The following OSM variants were observed in gnomAD, a reference collection of about 807,000 sequenced individuals.
OSM encodes oncostatin-M.
A neutral mutation model predicts 6.3 loss-of-function variants in OSM; 1 was observed. That is an observed-to-expected ratio of 0.16 (90% CI 0.06 to 0.76). The LOEUF is 0.76. Among genes scored for constraint, OSM ranks in the 30% least tolerant of loss-of-function variants. OSM has a pLI of 0.77. For synonymous variants in OSM, 135 were observed against 143.4 expected (o/e 0.94, Z 0.42); for missense variants, 324 against 336.9 (o/e 0.96, Z 0.30).
chr22:30,264,127 G>GC lies in OSM; in HGVS notation c.514dup (p.Ala172GlyfsTer122), dbSNP rs762184254. ...AGGGGTGGGGGTGGGCGGCTGAGAG[G>GC]CCCCCCGGCCAGCCTTCGTGGGCTC... On this transcript the variant is annotated frameshift_variant, in exon 3 of 3. Transcript: ENST00000215781. LOFTEE classifies it low-confidence loss of function (END_TRUNC). 1.9e-6 allele frequency: 3 copies of GC among 1,611,880 alleles called. No homozygotes were observed. Among genetic ancestry groups the GC allele is most frequent in the East Asian group, 2.2e-5 (1 of 44,828 alleles).
intron 1 of OSM, 93 bp from the exon 2 acceptor site, chr22:30,265,237 C>A: frequency 6.5e-7 from 1 of 1,531,940 alleles, no homozygotes; most frequent in Non-Finnish European, 8.8e-7. Flanking sequence ...TTGAAAGGTG[C>A]CTCCTTCATC....
rs1395064889 is a variant in OSM at position 30,263,042 on chromosome 22, G to T, written c.*841C>A. On this transcript the variant is annotated 3_prime_UTR_variant, in exon 3 of 3. Transcript: ENST00000215781. ...GAAAATTCCAGGATCCACCACCAGG[G>T]GGAGCAGCCAGCAGCGAGGACCCAA... 1 of 152,704 alleles carries T rather than the reference G, an allele frequency of 6.5e-6. No individual in the cohort carries two copies. The allele number at this position is 152,704 out of a possible 1,614,324, so 9.5% of individuals were successfully genotyped here. A position where few individuals can be genotyped will look rare whatever the true frequency, so the allele number is the denominator to read the frequency against.
At position 30,263,999 on chromosome 22, in the gene OSM, T is replaced by C. The variant is rs1275708654; in HGVS notation, c.643A>G (p.Ser215Gly). ...CTGTGTCTCCGGCTCCGGTTCGGGC[T>C]CTCCCCCCACTTGCTGAAGACCCGC... is the stretch of plus-strand genomic sequence containing the variant. ...VGRVFSKWGESPNRSRRHSPH... is the reference protein window; with the variant it reads ...VGRVFSKWGEGPNRSRRHSPH... Residue 215 changes from serine to glycine, a missense_variant, in exon 3 of 3, where the codon AGC becomes GGC. By Grantham distance (56) the Ser-to-Gly change is moderately conservative. Coordinates refer to ENST00000215781, the MANE Select transcript of OSM (RefSeq NM_020530.6). The C allele has an allele frequency of 6.4e-7, 1 of 1,555,166 alleles. No individual in the cohort carries two copies. Among genetic ancestry groups the C allele is most frequent in the South Asian group, 1.2e-5 (1 of 81,480 alleles).
Position 30,264,424 on chromosome 22 carries a change from T to C in OSM, c.218A>G (p.His73Arg). ...GAAGGCCCCGGGGCGCTCCCTGCAGTGCTCTCTCAGTTTAGGAACATCCAG... is the reference window on the plus strand; with the variant it reads ...GAAGGCCCCGGGGCGCTCCCTGCAGCGCTCTCTCAGTTTAGGAACATCCAG... ...QGLDVPKLRE[H>R]CRERPGAFPS... Residue 73 changes from histidine (H) to arginine (R), a missense_variant, in exon 3 of 3, where the codon CAC becomes CGC. Physicochemically the swap from His to Arg is conservative, Grantham distance 29 (BLOSUM62 0). Transcript: ENST00000215781. 1 of 1,612,240 alleles carries C rather than the reference T, an allele frequency of 6.2e-7. No individual in the cohort carries two copies. The highest frequency in any genetic ancestry group is 2.2e-5 in the East Asian group (1 of 44,812).
chr22:30,264,972 C>G, intron 2 of OSM, 30 bp downstream of exon 2: 1 of 1,609,082 alleles, frequency 6.2e-7, no homozygotes, highest in Non-Finnish European at 8.5e-7. Context: ...TTCTCTGAGA[C>G]TCAGATGCCA....
At chr22:30,264,603 G>C in intron 2 of OSM, 139 bp from the exon 3 acceptor site, 1 of 756,232 alleles carries the variant, frequency 1.3e-6, no homozygotes, top group South Asian at 1.9e-5. Context: ...AGGCCCGAGA[G>C]GGAAGAGGAC....
rs144672631 is a variant in OSM at position 30,264,340 on chromosome 22, G to T, written c.302C>A (p.Ala101Asp). ...GRRGFLQTLN[A>D]TLGCVLHRLA... Reference sequence around the variant, plus strand: ...TCTGTGCAGGACGCAGCCCAGTGTGGCATTGAGGGTCTGCAGGAAGCCCCG... The same window carrying T: ...TCTGTGCAGGACGCAGCCCAGTGTGTCATTGAGGGTCTGCAGGAAGCCCCG... The change falls in exon 3 of 3, where the codon GCC becomes GAC. Residue 101 changes from alanine (A) to aspartate (D), a missense_variant. Transcript: ENST00000215781. The T allele has an allele frequency of 7.9e-5, 128 of 1,613,830 alleles. No individual in the cohort carries two copies. Among genetic ancestry groups the T allele is most frequent in the Non-Finnish European group, 1.0e-4 (123 of 1,180,040 alleles).
In OSM at chr22:30,266,216, G is replaced by A. The variant is rs1309684578; in HGVS notation, c.34+550C>T. Reference sequence around the variant, plus strand: ...GTGCGGCGTGAGGGAGACCTGTTCCGTTCACCATGGGGACTCTGGTCTGCA... The same window carrying A: ...GTGCGGCGTGAGGGAGACCTGTTCCATTCACCATGGGGACTCTGGTCTGCA... On this transcript the variant is annotated intron_variant, in intron 1 of 2. Transcript: ENST00000215781. This position sits in a 1 kb window ranked among gnomAD's most constrained non-coding sequence, Gnocchi z 5.0. Among the ~76,000 whole-genome samples, 2 of 152,190 alleles carry A rather than the reference G, an allele frequency of 1.3e-5. No individual in the cohort carries two copies. Among genetic ancestry groups the A allele is most frequent in the South Asian group, 2.1e-4 (1 of 4,832 alleles).
At position 30,266,509 on chromosome 22, in the gene OSM, A is replaced by C. The variant is rs1929395503; in HGVS notation, c.34+257T>G. The stretch of plus-strand genomic sequence containing the variant: ...CCTATTCTCTCACCCCCTGGTTCCC[A>C]GAGTTGCCTCTACATCTTGACATCA... On this transcript the variant is annotated intron_variant, in intron 1 of 2. Transcript: ENST00000215781. This position sits in a 1 kb window ranked among gnomAD's most constrained non-coding sequence, Gnocchi z 5.0. 6.6e-6 allele frequency among the ~76,000 whole-genome samples: 1 copy of C among 151,952 alleles called. No individual in the cohort carries two copies. Among genetic ancestry groups the C allele is most frequent in the African/African-American group, 2.4e-5 (1 of 41,350 alleles).
chr22:30,264,110 G>T lies in OSM; in HGVS notation c.532C>A (p.Pro178Thr). ...TGAAAAGCATCCGAGGCAGGGGTGG[G>T]GGTGGGCGGCTGAGAGGCCCCCCGG... is the stretch of plus-strand genomic sequence containing the variant. ...AGRGASQPPT[P>T]TPASDAFQRK... is the part of the protein sequence containing the mutation. The change falls in exon 3 of 3, where the codon CCC becomes ACC. Residue 178 changes from proline to threonine, a missense_variant. Coordinates refer to ENST00000215781, the MANE Select transcript of OSM (RefSeq NM_020530.6). The T allele has an allele frequency of 6.2e-7, 1 of 1,611,082 alleles. No homozygotes were observed. The highest frequency in any genetic ancestry group is 8.5e-7 in the Non-Finnish European group (1 of 1,177,978).
chr22:30,264,407 C>T lies in OSM; in HGVS notation c.235G>A (p.Gly79Arg), dbSNP rs201309766. ...KLREHCRERP[G>R]AFPSEETLRG... ...AGGGTCTCCTCACTGGGGAAGGCCC[C>T]GGGGCGCTCCCTGCAGTGCTCTCTC... Residue 79 changes from glycine to arginine, a missense_variant, in exon 3 of 3, where the codon GGG becomes AGG. By Grantham distance (125) the Gly-to-Arg change is moderately radical. Transcript: ENST00000215781. The T allele has an allele frequency of 7.3e-5, 118 of 1,613,780 alleles. No homozygotes were observed. The highest frequency in any genetic ancestry group is 1.6e-4 in the Middle Eastern group (1 of 6,084).
At chr22:30,264,817 C>T (rs114756510) in intron 2 of OSM, among the ~76,000 whole-genome samples, 185 bp downstream of exon 2, 1,774 of 152,268 alleles carry the variant, frequency 0.012, 38 homozygotes, top group African/African-American at 0.04. Flanking sequence ...GCCCCGGGAC[C>T]ACAGAGCTAG....
chr22:30,266,843 CTCTCGGCTGGGA>C, exon 1 of OSM: 1 of 1,598,772 alleles, frequency 6.3e-7, no homozygotes. This position sits in a 1 kb window ranked among gnomAD's most constrained non-coding sequence, Gnocchi z 5.0. Flanking sequence ...GGGGTGACAC[CTCTCGGCTGGGA>C]GCCCTGCAGG....
chr22:30,264,291 G>A lies in OSM; in HGVS notation c.351C>T (p.Leu117=), dbSNP rs1402637919. ...ACCTCTCCAAATCCTGGGCCTTGGG[G>A]AGGCGCTGCTCTAAGTCGGCCAGTC... The part of the protein sequence containing the change: ...LHRLADLEQR[L]PKAQDLERSG... The change falls in exon 3 of 3, where the codon CTC becomes CTT. Residue 117 remains leucine, a synonymous_variant. Transcript: ENST00000215781. The A allele has an allele frequency of 6.2e-7, 1 of 1,614,124 alleles. No individual in the cohort carries two copies. Among genetic ancestry groups the A allele is most frequent in the South Asian group, 1.1e-5 (1 of 91,088 alleles).
chr22:30,264,225 C>T lies in OSM; in HGVS notation c.417G>A (p.Ala139=), dbSNP rs148579514. 6.2e-6 allele frequency: 10 copies of T among 1,614,010 alleles called. No homozygotes were observed. Among genetic ancestry groups the T allele is most frequent in the African/African-American group, 1.3e-5 (1 of 74,944 alleles). ...NIEDLEKLQM[A]RPNILGLRNN... is the part of the protein sequence containing the mutation. ...TCCTGAGCCCGAGGATGTTCGGCCT[C>T]GCCATCTGCAGCTTCTCCAAGTCCT... is the stretch of plus-strand genomic sequence containing the variant. Residue 139 remains alanine (A), a synonymous_variant, in exon 3 of 3, where the codon GCG becomes GCA. Transcript: ENST00000215781.
chr22:30,264,547 C>G, intron 2 of OSM, 83 bp from the exon 3 acceptor site: 1 of 1,129,378 alleles, frequency 8.9e-7, no homozygotes, highest in Non-Finnish European at 1.3e-6. Flanking sequence ...AATGCTAGAC[C>G]TCATGCACCC....
Position 30,264,351 on chromosome 22 carries a change from C to T in OSM, c.291G>A (p.Gln97=). Residue 97 remains glutamine (Q), a synonymous_variant, in exon 3 of 3, where the codon CAG becomes CAA. Transcript: ENST00000215781. ...CGCAGCCCAGTGTGGCATTGAGGGT[C>T]TGCAGGAAGCCCCGCCTGCCCAGCC... ...LRGLGRRGFL[Q]TLNATLGCVL... 6.2e-7 allele frequency: 1 copy of T among 1,613,960 alleles called. No individual in the cohort carries two copies. The highest frequency in any genetic ancestry group is 8.5e-7 in the Non-Finnish European group (1 of 1,180,020).
In OSM at chr22:30,264,469, C is replaced by T. The variant is rs754092023; in HGVS notation, c.178-5G>A. 2 of 1,595,210 alleles carry T rather than the reference C, an allele frequency of 1.3e-6. No homozygotes were observed. Among genetic ancestry groups the T allele is most frequent in the South Asian group, 1.1e-5 (1 of 89,716 alleles). Reference sequence around the variant, plus strand: ...ATCCAGGCCTTGGATACGTATCTGGCGGGAACAGGAGGATCACAGGGTGAA... The same window carrying T: ...ATCCAGGCCTTGGATACGTATCTGGTGGGAACAGGAGGATCACAGGGTGAA... On this transcript the variant is annotated splice_polypyrimidine_tract_variant and splice_region_variant and intron_variant, in intron 2 of 2. Coordinates refer to ENST00000215781, the MANE Select transcript of OSM (RefSeq NM_020530.6).
rs1338167769 is a variant in OSM at position 30,266,605 on chromosome 22, T to C, written c.34+161A>G. On this transcript the variant is annotated intron_variant, in intron 1 of 2. Transcript: ENST00000215781. The surrounding 1 kb of genome is among the most constrained non-coding windows in gnomAD (Gnocchi z 5.0). ...AGATGCCAGGTTCTCAGTGGACCACTCTCTCTGCCTGACCTCCTGGCTCTC... is the reference window on the plus strand; with the variant it reads ...AGATGCCAGGTTCTCAGTGGACCACCCTCTCTGCCTGACCTCCTGGCTCTC... Among the ~76,000 whole-genome samples, 1 of 152,086 alleles carries C rather than the reference T, an allele frequency of 6.6e-6. No homozygotes were observed. The highest frequency in any genetic ancestry group is 1.5e-5 in the Non-Finnish European group (1 of 67,988).
Sources: gnomAD v4.1 joint callset for allele counts (sites outside exome capture counted in the v4.1 genomes callset) on GRCh38, gnomAD v4.1.1 for gene constraint, Gnocchi (gnomAD v3.1) non-coding constraint, MANE v1.5 for transcripts, NCBI Gene and HGNC (gene_info 2026-07-23, HGNC 2026-07-21) for gene names.